DEPDC7: variants seen among roughly 807,000 people sequenced by gnomAD.
The protein encoded by DEPDC7 is DEP domain-containing protein 7.
In DEPDC7, 41 loss-of-function variants were observed where a neutral mutation model predicts 56.6. That is an observed-to-expected ratio of 0.72 (90% CI 0.56 to 0.94). DEPDC7 has a LOEUF of 0.94. Among genes scored for constraint, DEPDC7 ranks in the 40% least tolerant of loss-of-function variants. The pLI, the probability that DEPDC7 is intolerant of heterozygous loss-of-function variation, is 0.00. For synonymous variants in DEPDC7, 185 were observed against 208.8 expected, an observed-to-expected ratio of 0.89 and a Z score of 0.98; for missense variants, 522 against 596.3, an observed-to-expected ratio of 0.88 and a Z score of 1.30.
intron 1 of DEPDC7, among the ~76,000 whole-genome samples, chr11:33,020,968 G>A (rs376065981): frequency 6.6e-6 from 1 of 152,126 alleles, no homozygotes; most frequent in African/African-American, 2.4e-5. Context: ...GCTTGACCAG[G>A]CTGGGTGTGG....
intron 4 of DEPDC7, 84 bp from the exon 5 acceptor site, chr11:33,031,294 A>G (rs972847307): frequency 7.4e-6 from 7 of 947,220 alleles, no homozygotes; most frequent in African/African-American, 6.5e-5. Context: ...CTACTGAATT[A>G]GGTACCATGT....
At chr11:33,017,629 A>G (rs1853477880) in intron 1 of DEPDC7, among the ~76,000 whole-genome samples, 1 of 151,942 alleles carries the variant, frequency 6.6e-6, no homozygotes, top group African/African-American at 2.4e-5. Flanking sequence ...CCTTTCTTTC[A>G]CCCTTTAGTT....
chr11:33,019,566 T>TGAGGCAG (rs1238268853), intron 1 of DEPDC7, among the ~76,000 whole-genome samples: 1 of 152,000 alleles, frequency 6.6e-6, no homozygotes, highest in Non-Finnish European at 1.5e-5. Flanking sequence ...CTCAGGAGGT[T>TGAGGCAG]GAGGCAGGAG....
intron 2 of DEPDC7, among the ~76,000 whole-genome samples, chr11:33,026,949 A>G (rs765555208): frequency 6.6e-6 from 1 of 152,180 alleles, no homozygotes; most frequent in Non-Finnish European, 1.5e-5. Context: ...GTTTTGACCC[A>G]AACTAAAACA....
At chr11:33,027,033 A>G (rs1016114789) in intron 2 of DEPDC7, among the ~76,000 whole-genome samples, 4 of 152,206 alleles carry the variant, frequency 2.6e-5, no homozygotes, top group Admixed American at 2.6e-4. Context: ...TTTCAGATGC[A>G]GGTCCACACA....
Position 33,032,669 on chromosome 11 carries a change from G to A in DEPDC7, c.1139G>A (p.Ser380Asn), listed in dbSNP as rs1213969290. Residue 380 changes from serine (S) to asparagine (N), a missense_variant and splice_region_variant, in exon 7 of 9, where the codon AGT (serine) becomes AAT (asparagine). Ser to Asn is a conservative substitution (Grantham distance 46). Coordinates refer to ENST00000241051, the MANE Select transcript of DEPDC7 (RefSeq NM_001077242.2). ...GATATATTTGTTTTATTTTTATAGA[G>A]TGACAACCGAATGGTTGTGAAAAGG... ...NPSEFKLQKE[S>N]DNRMVVKRIF... The A allele has an allele frequency of 6.4e-7, 1 of 1,571,260 alleles. No individual in the cohort carries two copies. The highest frequency in any genetic ancestry group is 8.6e-7 in the Non-Finnish European group (1 of 1,159,706).
intron 4 of DEPDC7, among the ~76,000 whole-genome samples, chr11:33,029,164 T>G (rs956511572): frequency 3.3e-5 from 5 of 151,142 alleles, no homozygotes; most frequent in Non-Finnish European, 7.4e-5. Flanking sequence ...ATATCTAGAA[T>G]GCCTGTTACA....
chr11:33,016,226 G>T (rs964328258), intron 1 of DEPDC7, 198 bp downstream of exon 1: 10 of 1,308,548 alleles, frequency 7.6e-6, no homozygotes, highest in Non-Finnish European at 9.7e-6. Flanking sequence ...TCTGGCTGGT[G>T]GGCTGCAAGC....
At chr11:33,021,249 CAA>C (rs761364901) in intron 1 of DEPDC7, among the ~76,000 whole-genome samples, 7 of 115,794 alleles carry the variant, frequency 6.0e-5, no homozygotes, top group Admixed American at 1.8e-4. Flanking sequence ...GACACCATCT[CAA>C]AAAAAAAAAA....
chr11:33,021,047 G>C (rs1198977921), intron 1 of DEPDC7, among the ~76,000 whole-genome samples: 2 of 152,030 alleles, frequency 1.3e-5, no homozygotes, highest in African/African-American at 4.8e-5. Flanking sequence ...AGGAGTTCCA[G>C]ACCATCCTGG....
rs372224615 is a variant in DEPDC7, at chr11:33,024,895, C to A, written c.74-764C>A. ...AACATGAGCTAAGTCCCAGTACTAC[C>A]TCTTTCAATATAATATCTGGAAGTG... On this transcript the variant is annotated intron_variant, in intron 1 of 8. Coordinates refer to ENST00000241051, the MANE Select transcript of DEPDC7 (RefSeq NM_001077242.2). 4.4e-4 allele frequency among the ~76,000 whole-genome samples: 67 copies of A among 151,966 alleles called. 1 individual carries two copies. Among genetic ancestry groups the A allele is most frequent in the African/African-American group, 1.6e-3 (65 of 41,456 alleles).
intron 1 of DEPDC7, among the ~76,000 whole-genome samples, chr11:33,018,429 G>T (rs1348267776): frequency 6.6e-6 from 1 of 151,934 alleles, no homozygotes; most frequent in African/African-American, 2.4e-5. Flanking sequence ...ATCCTAAATG[G>T]TCTAGGATTT....
intron 2 of DEPDC7, among the ~76,000 whole-genome samples, chr11:33,026,890 A>G (rs1341230865): frequency 3.3e-5 from 5 of 152,044 alleles, no homozygotes; most frequent in Admixed American, 6.6e-5. Flanking sequence ...GTGCTCCTAA[A>G]GTGTTGGAAT....
intron 3 of DEPDC7, 64 bp downstream of exon 3, chr11:33,027,877 T>A: frequency 1.4e-6 from 2 of 1,415,220 alleles, no homozygotes; most frequent in African/African-American, 1.5e-5. Flanking sequence ...TAAAATTTTT[T>A]AATCTTAATC....
intron 4 of DEPDC7, among the ~76,000 whole-genome samples, chr11:33,030,597 T>C (rs1262605692): frequency 1.3e-5 from 2 of 152,154 alleles, no homozygotes; most frequent in African/African-American, 2.4e-5. Context: ...GTTGGTTTGT[T>C]TTTTGAGATG....
chr11:33,018,167 G>C (rs576989854), intron 1 of DEPDC7, among the ~76,000 whole-genome samples: 8 of 152,154 alleles, frequency 5.3e-5, no homozygotes, highest in Non-Finnish European at 8.8e-5. Flanking sequence ...ATAAACTTTG[G>C]ACTACCAGAA....
intron 2 of DEPDC7, among the ~76,000 whole-genome samples, chr11:33,027,297 T>G (rs1853589423): frequency 6.6e-6 from 1 of 152,206 alleles, no homozygotes; most frequent in African/African-American, 2.4e-5. Flanking sequence ...TCAAAGCTTT[T>G]TGGGTTTCAG....
intron 1 of DEPDC7, among the ~76,000 whole-genome samples, chr11:33,018,883 T>A (rs1050832579): frequency 6.6e-6 from 1 of 152,236 alleles, no homozygotes; most frequent in Non-Finnish European, 1.5e-5. Context: ...CCTTTTGTTT[T>A]TAGTGATACA....
intron 1 of DEPDC7, among the ~76,000 whole-genome samples, chr11:33,022,589 T>A (rs921208717): frequency 6.6e-6 from 1 of 152,198 alleles, no homozygotes; most frequent in East Asian, 1.9e-4. Context: ...ATTTGAAAAA[T>A]TAAGCAGAAA....
Sources: gnomAD v4.1 joint callset for allele counts (sites outside exome capture counted in the v4.1 genomes callset) on GRCh38, gnomAD v4.1.1 for gene constraint, MANE v1.5 for transcripts, NCBI Gene and HGNC (gene_info 2026-07-23, HGNC 2026-07-21) for gene names.